Variants in MORN1 observed in about 807,000 individuals in gnomAD.
MORN1 encodes MORN repeat-containing protein 1.
Under a neutral mutation model 61.9 loss-of-function variants are expected in MORN1, and 67 were observed. That is an observed-to-expected ratio of 1.08 (90% CI 0.89 to 1.33). The LOEUF is 1.33. MORN1 is among the 40% of genes most tolerant of loss of function. MORN1 has a pLI of 0.00. For missense variants in MORN1, 752 were observed against 691.2 expected (o/e 1.09, Z -0.99); for synonymous variants, 301 against 292.0 (o/e 1.03, Z -0.31).
At chr1:2,326,308 G>A (rs1294714013) in intron 12 of MORN1, 1 of 152,168 alleles carries the variant, frequency 6.6e-6, no homozygotes, top group Non-Finnish European at 1.5e-5. Flanking sequence ...GGGGAAGCGG[G>A]GTACATAATT....
chr1:2,389,442 CTT>C (rs1258459932), intron 2 of MORN1, among the ~76,000 whole-genome samples: 1 of 152,176 alleles, frequency 6.6e-6, no homozygotes, highest in Non-Finnish European at 1.5e-5. Context: ...CTATTATTGT[CTT>C]TTTAGTAGGG....
chr1:2,327,523 C>G (rs141778964), intron 12 of MORN1, among the ~76,000 whole-genome samples: 1 of 152,198 alleles, frequency 6.6e-6, no homozygotes, highest in African/African-American at 2.4e-5. Context: ...CACAGACACA[C>G]AGACACAGAG....
At chr1:2,354,990 G>A (rs764255793) in intron 10 of MORN1, among the ~76,000 whole-genome samples, 3 of 152,214 alleles carry the variant, frequency 2.0e-5, no homozygotes, top group Admixed American at 6.5e-5. Context: ...TCACATCATC[G>A]TCAAGCCAGA....
Position 2,339,417 on chromosome 1 carries a change from C to G in MORN1, c.1037-2567G>C, listed in dbSNP as rs896708973. ...CTGAGTCGGGGCTGCAGGCTGACCG[C>G]AGCGGCCCCTGGGTCCTGGCTGTGA... On this transcript the variant is annotated intron_variant, in intron 10 of 13. Coordinates refer to ENST00000378531, the MANE Select transcript of MORN1 (RefSeq NM_024848.3). 5.3e-5 allele frequency among the ~76,000 whole-genome samples: 8 copies of G among 152,326 alleles called. No individual in the cohort carries two copies. In the East Asian group the frequency reaches 9.7e-4, roughly 18 times the overall value.
chr1:2,387,363 T>C, intron 4 of MORN1, 56 bp downstream of exon 4: 1 of 1,296,184 alleles, frequency 7.7e-7, no homozygotes. Context: ...GGACGTAGGA[T>C]TCCATGTCCT....
chr1:2,354,140 T>C (rs569394931), intron 10 of MORN1, among the ~76,000 whole-genome samples: 21 of 152,090 alleles, frequency 1.4e-4, no homozygotes, highest in African/African-American at 4.8e-4. Flanking sequence ...CAAAAATTAG[T>C]CGGGCGAGGT....
chr1:2,372,563 A>G lies in MORN1; in HGVS notation c.663T>C (p.Gly221=). Residue 221 remains glycine, a synonymous_variant, in exon 8 of 14, where the codon GGT becomes GGC. Coordinates refer to ENST00000378531, the MANE Select transcript of MORN1 (RefSeq NM_024848.3). The surrounding 1 kb of genome is among the most constrained non-coding windows in gnomAD (Gnocchi z 5.4). Reference sequence around the variant, plus strand: ...CTTGGGCCACTTCCATCACCTCCGGACCCAAGATCACGATCCTCGTAGCTT... The same window carrying G: ...CTTGGGCCACTTCCATCACCTCCGGGCCCAAGATCACGATCCTCGTAGCTT... ...AEQATRIVIL[G]PEVMEVAQGS... is the part of the protein sequence containing the mutation. The G allele has an allele frequency of 1.2e-6, 2 of 1,613,252 alleles. No homozygotes were observed. Among genetic ancestry groups the G allele is most frequent in the South Asian group, 1.1e-5 (1 of 91,002 alleles).
intron 13 of MORN1, chr1:2,323,530 C>A (rs1406235693): frequency 2.0e-6 from 2 of 985,226 alleles, no homozygotes; most frequent in Non-Finnish European, 2.4e-6. Flanking sequence ...GGCATTCGGC[C>A]CCTCTGGCTT....
intron 10 of MORN1, among the ~76,000 whole-genome samples, chr1:2,353,330 C>A (rs1187740971): frequency 6.6e-6 from 1 of 152,266 alleles, no homozygotes; most frequent in Non-Finnish European, 1.5e-5. Flanking sequence ...CTAAAGCCGG[C>A]CCCCCTGTCC....
Position 2,374,693 on chromosome 1 carries a change from G to A in MORN1, c.538-136C>T, listed in dbSNP as rs1642196402. On this transcript the variant is annotated intron_variant, in intron 6 of 13. Coordinates refer to ENST00000378531, the MANE Select transcript of MORN1 (RefSeq NM_024848.3). ...TGCTAGAAAACCACATCGTCTCGAG[G>A]GTCCTTGCAGCCTGTCCCTCGGTGG... 8 of 663,194 alleles carry A rather than the reference G, an allele frequency of 1.2e-5. No individual in the cohort carries two copies. In the South Asian group the frequency reaches 1.5e-4, roughly 13 times the overall value. 41.1% of individuals were successfully genotyped at this position (663,194 alleles called of 1,614,324 possible).
intron 2 of MORN1, among the ~76,000 whole-genome samples, chr1:2,389,149 CAG>C (rs1177902946): frequency 6.6e-6 from 1 of 151,564 alleles, no homozygotes; most frequent in East Asian, 1.9e-4. Context: ...ACAAAACTGG[CAG>C]AGAGCAGATA....
chr1:2,321,375 A>C lies in MORN1; in HGVS notation c.*8T>G. ...CACACCGAGGTGGCCTCCTGTGGAC[A>C]CGGGGCCTCACCGAGGCGCTGGCGG... On this transcript the variant is annotated 3_prime_UTR_variant, in exon 14 of 14. Coordinates refer to ENST00000378531, the MANE Select transcript of MORN1 (RefSeq NM_024848.3). 6.6e-7 allele frequency: 1 copy of C among 1,504,530 alleles called. No homozygotes were observed. Among genetic ancestry groups the C allele is most frequent in the Non-Finnish European group, 8.9e-7 (1 of 1,125,152 alleles). The allele number at this position is 1,504,530 out of a possible 1,614,324, so 93.2% of individuals were successfully genotyped here.
chr1:2,327,287 C>CACACAGAAACACAGAAACAAACACAGAG lies in MORN1; in HGVS notation c.1251-3172_1251-3145dup, dbSNP rs1197420408. Among the ~76,000 whole-genome samples, 9 of 151,380 alleles carry CACACAGAAACACAGAAACAAACACAGAG rather than the reference C, an allele frequency of 5.9e-5. No individual in the cohort carries two copies. In the South Asian group the frequency reaches 1.5e-3, roughly 25 times the overall value. On this transcript the variant is annotated intron_variant, in intron 12 of 13. Coordinates refer to ENST00000378531, the MANE Select transcript of MORN1 (RefSeq NM_024848.3). ...AGAAACAAACACAGAGACACAGAAA[C>CACACAGAAACACAGAAACAAACACAGAG]ACACAGAAACACAGAAACAAACACA...
chr1:2,366,145 C>T (rs1334511916), intron 8 of MORN1, among the ~76,000 whole-genome samples: 1 of 150,658 alleles, frequency 6.6e-6, no homozygotes, highest in African/African-American at 2.4e-5. Context: ...TACTATGCAG[C>T]CATAAAAAAT....
intron 6 of MORN1, among the ~76,000 whole-genome samples, chr1:2,382,173 G>A (rs77250843): frequency 0.066 from 10,014 of 152,266 alleles, 464 homozygotes; most frequent in South Asian, 0.23. Context: ...CTTCTCGCCC[G>A]GCCCAGGCCG....
intron 12 of MORN1, among the ~76,000 whole-genome samples, chr1:2,330,274 C>T (rs910309832): frequency 6.6e-5 from 10 of 152,212 alleles, no homozygotes; most frequent in Non-Finnish European, 1.0e-4. Context: ...CAGCCAACCC[C>T]GATAGGCCCA....
At chr1:2,381,545 G>C (rs1025744935) in intron 6 of MORN1, among the ~76,000 whole-genome samples, 2 of 152,176 alleles carry the variant, frequency 1.3e-5, no homozygotes, top group African/African-American at 4.8e-5. Context: ...GGCGGTCCCA[G>C]GGCCTGCCCA....
At chr1:2,358,324 C>T (rs1641819121) in intron 9 of MORN1, among the ~76,000 whole-genome samples, 1 of 152,186 alleles carries the variant, frequency 6.6e-6, no homozygotes, top group Admixed American at 6.5e-5. Flanking sequence ...GACACGGACC[C>T]AGGCCCAGAG....
At chr1:2,341,586 G>A (rs1381173645) in intron 10 of MORN1, among the ~76,000 whole-genome samples, 1 of 152,044 alleles carries the variant, frequency 6.6e-6, no homozygotes, top group Non-Finnish European at 1.5e-5. Flanking sequence ...AGCTACTCGG[G>A]AGGCTGAGGC....
Sources: gnomAD v4.1 joint callset for allele counts (sites outside exome capture counted in the v4.1 genomes callset) on GRCh38, gnomAD v4.1.1 for gene constraint, Gnocchi (gnomAD v3.1) non-coding constraint, MANE v1.5 for transcripts, NCBI Gene and HGNC (gene_info 2026-07-23, HGNC 2026-07-21) for gene names.